JAKMIP1: variants seen among roughly 807,000 people sequenced by gnomAD.
The protein encoded by JAKMIP1 is janus kinase and microtubule interacting protein 1, also known as janus kinase and microtubule-interacting protein 1.
JAKMIP1 carries 33 observed loss-of-function variants against 113.0 expected under a neutral mutation model. That is an observed-to-expected ratio of 0.29 (90% confidence interval 0.22 to 0.39). The LOEUF is 0.39. Among genes scored for constraint, JAKMIP1 ranks in the 10% least tolerant of loss-of-function variants. The pLI is 1.00. For synonymous variants in JAKMIP1, 480 were observed against 459.9 expected, an observed-to-expected ratio of 1.04 and a Z score of -0.56; for missense variants, 813 against 1,080.5, an observed-to-expected ratio of 0.75 and a Z score of 3.47.
Position 6,136,965 on chromosome 4 carries a change from G to A in JAKMIP1, c.-147-23968C>T, listed in dbSNP as rs970175622. Among the ~76,000 whole-genome samples the A allele has an allele frequency of 6.6e-6, 1 of 152,178 alleles. No individual in the cohort carries two copies. The highest frequency in any genetic ancestry group is 2.4e-5 in the African/African-American group (1 of 41,434). On this transcript the variant is annotated intron_variant, in intron 1 of 20. Coordinates refer to ENST00000409021, the MANE Select transcript of JAKMIP1 (RefSeq NM_001099433.2). The surrounding 1 kb of genome is among the most constrained non-coding windows in gnomAD (Gnocchi z 5.9). Reference sequence around the variant, plus strand: ...ACAGATGAGGAAACTGAGGCTCAGGGAGGTGGCATGGGGAGCCAGGATTCC... The same window carrying A: ...ACAGATGAGGAAACTGAGGCTCAGGAAGGTGGCATGGGGAGCCAGGATTCC...
At chr4:6,190,001 T>C (rs1727074229) in intron 1 of JAKMIP1, among the ~76,000 whole-genome samples, 1 of 152,152 alleles carries the variant, frequency 6.6e-6, no homozygotes, top group Non-Finnish European at 1.5e-5. Flanking sequence ...GCCCCATTAG[T>C]CCATTCCCCT....
At chr4:6,035,833 A>G in intron 19 of JAKMIP1, 71 bp downstream of exon 19, 2 of 1,323,824 alleles carry the variant, frequency 1.5e-6, no homozygotes, top group Non-Finnish European at 2.1e-6. Flanking sequence ...GAGGCCCATC[A>G]GGGTGCCAAG....
At chr4:6,151,373 T>C (rs1306346994) in intron 1 of JAKMIP1, among the ~76,000 whole-genome samples, 2 of 152,170 alleles carry the variant, frequency 1.3e-5, no homozygotes, top group East Asian at 1.9e-4. Context: ...CAGACTCCCA[T>C]GTTCTTCCTC....
chr4:6,188,466 A>C lies in JAKMIP1; in HGVS notation c.-148+11787T>G, dbSNP rs1212118170. On this transcript the variant is annotated intron_variant, in intron 1 of 20. Transcript: ENST00000409021. The surrounding 1 kb of genome is among the most constrained non-coding windows in gnomAD (Gnocchi z 5.8). The stretch of plus-strand genomic sequence containing the variant: ...AATAAACAGATAAGACACCACCCCA[A>C]AATGTTCAGCCCACATCCCTACCTA... Among the ~76,000 whole-genome samples the C allele has an allele frequency of 6.6e-6, 1 of 152,162 alleles. No individual in the cohort carries two copies. Among genetic ancestry groups the C allele is most frequent in the Non-Finnish European group, 1.5e-5 (1 of 68,036 alleles).
chr4:6,177,040 A>T (rs183595488), intron 1 of JAKMIP1, among the ~76,000 whole-genome samples: 39 of 152,288 alleles, frequency 2.6e-4, no homozygotes, highest in African/African-American at 8.7e-4. Context: ...TCTCAAAAAA[A>T]TTTTTTTTAA....
rs1718201011 is a variant in JAKMIP1 at position 6,067,057 on chromosome 4, C to T, written c.1303-2049G>A. Among the ~76,000 whole-genome samples the T allele has an allele frequency of 6.6e-6, 1 of 152,168 alleles. No individual in the cohort carries two copies. The highest frequency in any genetic ancestry group is 2.4e-5 in the African/African-American group (1 of 41,438). On this transcript the variant is annotated intron_variant, in intron 8 of 20. Coordinates refer to ENST00000409021, the MANE Select transcript of JAKMIP1 (RefSeq NM_001099433.2). The surrounding 1 kb of genome is among the most constrained non-coding windows in gnomAD (Gnocchi z 4.6). ...GGCCACCATGCCCAGGTCCCTCCTG[C>T]TTCACCCCCGCCCCAGCCTCTGGGG... is the stretch of plus-strand genomic sequence containing the variant.
Position 6,140,106 on chromosome 4 carries a change from G to C in JAKMIP1, c.-147-27109C>G, listed in dbSNP as rs1472769108. On this transcript the variant is annotated intron_variant, in intron 1 of 20. Transcript: ENST00000409021. The surrounding 1 kb of genome is among the most constrained non-coding windows in gnomAD (Gnocchi z 9.4). ...TATTAGATGGATTGAGATGTACTGA[G>C]AATAGCTATGAACTATTGTCCCAGT... Among the ~76,000 whole-genome samples the C allele has an allele frequency of 6.6e-6, 1 of 152,174 alleles. No homozygotes were observed. Among genetic ancestry groups the C allele is most frequent in the African/African-American group, 2.4e-5 (1 of 41,418 alleles).
Position 6,194,134 on chromosome 4 carries a change from T to G in JAKMIP1, c.-148+6119A>C, listed in dbSNP as rs915082879. Among the ~76,000 whole-genome samples, 1 of 151,836 alleles carries G rather than the reference T, an allele frequency of 6.6e-6. No individual in the cohort carries two copies. The highest frequency in any genetic ancestry group is 2.4e-5 in the African/African-American group (1 of 41,320). On this transcript the variant is annotated intron_variant, in intron 1 of 20. Transcript: ENST00000409021. The surrounding 1 kb of genome is among the most constrained non-coding windows in gnomAD (Gnocchi z 7.4). ...AGGGCAGATGGATGGATGCCGGGGC[T>G]GGGAGAGGGGAAGTGAGGAATGACT...
intron 11 of JAKMIP1, among the ~76,000 whole-genome samples, 190 bp from the exon 12 acceptor site, chr4:6,056,949 G>A (rs371030125): frequency 1.1e-4 from 16 of 152,210 alleles, no homozygotes; most frequent in African/African-American, 3.9e-4. Context: ...TGGTTTGTGG[G>A]GCATCCCTTC....
intron 1 of JAKMIP1, among the ~76,000 whole-genome samples, chr4:6,133,645 C>A (rs73075412): frequency 1.3e-5 from 2 of 152,166 alleles, no homozygotes; most frequent in Non-Finnish European, 2.9e-5. Context: ...AAGTTTCTTG[C>A]AAAGCTAATT....
chr4:6,063,799 C>T (rs906323598), intron 9 of JAKMIP1, among the ~76,000 whole-genome samples: 1 of 152,228 alleles, frequency 6.6e-6, no homozygotes, highest in African/African-American at 2.4e-5. Flanking sequence ...ACAAGGACAA[C>T]AAGCAGGGGT....
chr4:6,112,911 C>T lies in JAKMIP1; in HGVS notation c.-61G>A. ...TCCACACCTGTTCACGCACGCCAGCCAGCAGGCGTGGCTACCAGCTCCACC... is the reference window on the plus strand; with the variant it reads ...TCCACACCTGTTCACGCACGCCAGCTAGCAGGCGTGGCTACCAGCTCCACC... On this transcript the variant is annotated 5_prime_UTR_variant, in exon 2 of 21. Transcript: ENST00000409021. 6.3e-7 allele frequency: 1 copy of T among 1,576,118 alleles called. No homozygotes were observed. The highest frequency in any genetic ancestry group is 8.6e-7 in the Non-Finnish European group (1 of 1,157,858).
intron 8 of JAKMIP1, among the ~76,000 whole-genome samples, chr4:6,077,696 C>A (rs890387398): frequency 6.6e-6 from 1 of 151,774 alleles, no homozygotes; most frequent in African/African-American, 2.4e-5. Context: ...GTTGCCCAGG[C>A]TGATCTCAAA....
intron 1 of JAKMIP1, among the ~76,000 whole-genome samples, chr4:6,175,741 C>A (rs758026213): frequency 6.6e-6 from 1 of 152,244 alleles, no homozygotes; most frequent in African/African-American, 2.4e-5. Flanking sequence ...CCGTGGCTCT[C>A]TCGGCACCTG....
chr4:6,131,050 T>A (rs146965383), intron 1 of JAKMIP1, among the ~76,000 whole-genome samples: 5 of 150,196 alleles, frequency 3.3e-5, no homozygotes, highest in Non-Finnish European at 7.4e-5. Context: ...GATATACACC[T>A]CCCACCTCAG....
rs1257237925 is a variant in JAKMIP1, at chr4:6,141,640, A to G, written c.-147-28643T>C. On this transcript the variant is annotated intron_variant, in intron 1 of 20. Coordinates refer to ENST00000409021, the MANE Select transcript of JAKMIP1 (RefSeq NM_001099433.2). The surrounding 1 kb of genome is among the most constrained non-coding windows in gnomAD (Gnocchi z 9.4). ...CCCTTTCTCCTCCACTCCCAAATCC[A>G]CATGATTCTCCATCTTAACTTGCCG... Among the ~76,000 whole-genome samples, 1 of 152,042 alleles carries G rather than the reference A, an allele frequency of 6.6e-6. No homozygotes were observed. Among genetic ancestry groups the G allele is most frequent in the Admixed American group, 6.5e-5 (1 of 15,268 alleles).
rs923820543 is a variant in JAKMIP1 at position 6,081,370 on chromosome 4, G to C, written c.1101+239C>G. On this transcript the variant is annotated intron_variant, in intron 6 of 20. Coordinates refer to ENST00000409021, the MANE Select transcript of JAKMIP1 (RefSeq NM_001099433.2). This position sits in a 1 kb window ranked among gnomAD's most constrained non-coding sequence, Gnocchi z 4.6. ...AGAAACAGAGGCTCAGAGAGAATGG[G>C]GGATGTGTTTAAGGACACAGCTGTC... 2.4e-4 allele frequency among the ~76,000 whole-genome samples: 36 copies of C among 152,132 alleles called. 1 individual carries two copies. Among genetic ancestry groups the C allele is most frequent in the Admixed American group, 2.1e-3 (32 of 15,282 alleles).
rs1225943301 is a variant in JAKMIP1, at chr4:6,157,770, C to A, written c.-148+42483G>T. Among the ~76,000 whole-genome samples the A allele has an allele frequency of 6.6e-6, 1 of 152,202 alleles. No homozygotes were observed. The highest frequency in any genetic ancestry group is 1.5e-5 in the Non-Finnish European group (1 of 68,034). ...CTCTCCGTAAACACCAGCCATGAAGCAGCACACCCAGTAGGGTGTGAGTGA... is the reference window on the plus strand; with the variant it reads ...CTCTCCGTAAACACCAGCCATGAAGAAGCACACCCAGTAGGGTGTGAGTGA... On this transcript the variant is annotated intron_variant, in intron 1 of 20. Transcript: ENST00000409021. The surrounding 1 kb of genome is among the most constrained non-coding windows in gnomAD (Gnocchi z 4.7).
chr4:6,109,971 C>A (rs936421501), intron 2 of JAKMIP1, among the ~76,000 whole-genome samples: 1 of 152,144 alleles, frequency 6.6e-6, no homozygotes, highest in Admixed American at 6.5e-5. Flanking sequence ...AATCAGCCAG[C>A]GTGCATCCAA....
Sources: allele counts gnomAD v4.1 joint callset (sites outside exome capture counted in the v4.1 genomes callset), GRCh38; gene constraint gnomAD v4.1.1; non-coding constraint Gnocchi (gnomAD v3.1); transcripts MANE v1.5; gene names NCBI Gene and HGNC (gene_info 2026-07-23, HGNC 2026-07-21).